Variants in PCDHA3 observed in about 807,000 individuals in gnomAD.
The protein encoded by PCDHA3 is protocadherin alpha-3.
A neutral mutation model predicts 62.2 loss-of-function variants in PCDHA3; 41 were observed. That is an observed-to-expected ratio of 0.66 (90% CI 0.51 to 0.86). The LOEUF is 0.86. Among genes scored for constraint, PCDHA3 ranks in the 40% least tolerant of loss-of-function variants. The probability of loss-of-function intolerance (pLI) is 0.00; values close to 1 mark genes in which losing one functional copy is unlikely to be tolerated. For missense variants in PCDHA3, 1,304 were observed against 1,241.2 expected (o/e 1.05, Z -0.76); for synonymous variants, 640 against 555.4 (o/e 1.15, Z -2.14).
intron 1 of PCDHA3, chr5:140,836,334 G>C (rs1554135822): frequency 1.1e-5 from 17 of 1,613,642 alleles, no homozygotes; most frequent in Non-Finnish European, 1.4e-5. Flanking sequence ...TCTGGTGCTT[G>C]TGAAGGACCA....
At chr5:140,875,761 G>C (rs373515339) in intron 1 of PCDHA3, 4 of 1,614,118 alleles carry the variant, frequency 2.5e-6, no homozygotes, top group East Asian at 4.5e-5. Context: ...GAAGCTGTGC[G>C]GGCGGAGCGC....
chr5:140,829,749 T>A, intron 1 of PCDHA3: 1 of 1,613,676 alleles, frequency 6.2e-7, no homozygotes, highest in Non-Finnish European at 8.5e-7. Flanking sequence ...ACGCTGCAGG[T>A]GTTCGTGCTG....
At chr5:140,865,982 C>T (rs2049081742) in intron 1 of PCDHA3, 1 of 152,078 alleles carries the variant, frequency 6.6e-6, no homozygotes, top group South Asian at 2.1e-4. Flanking sequence ...ATTGAGATGG[C>T]ACTAAGTTTT....
At chr5:140,913,379 C>T (rs1554195889) in intron 1 of PCDHA3, among the ~76,000 whole-genome samples, 1 of 152,134 alleles carries the variant, frequency 6.6e-6, no homozygotes, top group Non-Finnish European at 1.5e-5. Context: ...CATATAGTGG[C>T]TCATCATAGC....
intron 1 of PCDHA3, among the ~76,000 whole-genome samples, chr5:140,961,237 G>A (rs1170465013): frequency 1.3e-5 from 2 of 152,136 alleles, no homozygotes; most frequent in African/African-American, 4.8e-5. Context: ...AAAAGGTGAT[G>A]GAATTTATCC....
In PCDHA3 at chr5:140,823,028, C is replaced by T. The variant is rs2150121496; in HGVS notation, c.2394+19437C>T. On this transcript the variant is annotated intron_variant, in intron 1 of 3. Coordinates refer to ENST00000522353, the MANE Select transcript of PCDHA3 (RefSeq NM_018906.3). ...AGCGCCCTGGACCGCGAGAGCGTGT[C>T]GGTCTATGAGCTGGTGGTGACCGCG... 16 of 1,614,206 alleles carry T rather than the reference C, an allele frequency of 9.9e-6. No individual in the cohort carries two copies. Among genetic ancestry groups the T allele is most frequent in the South Asian group, 9.9e-5 (9 of 91,088 alleles).
chr5:140,830,355 G>A (rs373021109), intron 1 of PCDHA3: 2 of 1,614,120 alleles, frequency 1.2e-6, no homozygotes, highest in Admixed American at 1.7e-5. Flanking sequence ...CAGCAGAGGC[G>A]GCAGAGGGTG....
intron 1 of PCDHA3, chr5:140,810,805 T>C (rs1764732440): frequency 6.6e-6 from 1 of 152,136 alleles, no homozygotes; most frequent in Non-Finnish European, 1.5e-5. Flanking sequence ...TAGTTTTTAA[T>C]TCTTTTTTGT....
intron 1 of PCDHA3, chr5:140,968,901 T>A (rs1321022294): frequency 6.2e-7 from 1 of 1,614,106 alleles, no homozygotes; most frequent in Non-Finnish European, 8.5e-7. Flanking sequence ...ATAATAGCAT[T>A]AAGCACAGTG....
At chr5:140,941,202 C>CCTTCCTTTCTTT (rs1554213920) in intron 1 of PCDHA3, among the ~76,000 whole-genome samples, 197 of 122,808 alleles carry the variant, frequency 1.6e-3, no homozygotes, top group Admixed American at 2.9e-3. Flanking sequence ...TTTCTTTCTT[C>CCTTCCTTTCTTT]CTTTCTTTCT....
At chr5:140,999,494 C>G (rs2097859711) in intron 3 of PCDHA3, among the ~76,000 whole-genome samples, 1 of 152,064 alleles carries the variant, frequency 6.6e-6, no homozygotes, top group Non-Finnish European at 1.5e-5. Context: ...CTATGTTACC[C>G]AAGAACCTAC....
intron 1 of PCDHA3, among the ~76,000 whole-genome samples, chr5:140,937,574 G>C (rs1320452651): frequency 1.3e-5 from 2 of 151,732 alleles, no homozygotes; most frequent in African/African-American, 4.9e-5. Context: ...CTGGGATCGC[G>C]TCACTGCACT....
At chr5:140,836,224 T>A in intron 1 of PCDHA3, 1 of 1,613,758 alleles carries the variant, frequency 6.2e-7, no homozygotes, top group Non-Finnish European at 8.5e-7. Flanking sequence ...TTGCAACCGG[T>A]GGCGGCCGGT....
intron 1 of PCDHA3, chr5:140,869,122 A>G (rs1562622538): frequency 2.5e-6 from 4 of 1,607,706 alleles, no homozygotes; most frequent in Non-Finnish European, 3.4e-6. Flanking sequence ...TTTTCAGAGA[A>G]GGGGATTGGG....
intron 3 of PCDHA3, among the ~76,000 whole-genome samples, chr5:140,987,098 C>A (rs2153859479): frequency 6.6e-6 from 1 of 151,952 alleles, no homozygotes; most frequent in Admixed American, 6.6e-5. Flanking sequence ...CCTGTAATCC[C>A]AGCTACTCGG....
chr5:140,877,684 A>T, intron 1 of PCDHA3: 1 of 1,613,768 alleles, frequency 6.2e-7, no homozygotes, highest in Non-Finnish European at 8.5e-7. Context: ...GGGCAAGCCC[A>T]CGCTGGTGTG....
rs2150181468 is a variant in PCDHA3 at position 140,830,125 on chromosome 5, G to A, written c.2394+26534G>A. 1.5e-5 allele frequency: 24 copies of A among 1,613,450 alleles called. No individual in the cohort carries two copies. In the East Asian group the frequency reaches 4.9e-4, roughly 33 times the overall value. On this transcript the variant is annotated intron_variant, in intron 1 of 3. Coordinates refer to ENST00000522353, the MANE Select transcript of PCDHA3 (RefSeq NM_018906.3). ...TGGAGAGTGGCCAGGCTCCAAAGGC[G>A]TCATCACGGGCGTCGGTGGGCGCCG...
At chr5:141,003,328 G>C (rs941196932) in intron 3 of PCDHA3, among the ~76,000 whole-genome samples, 1 of 152,102 alleles carries the variant, frequency 6.6e-6, no homozygotes, top group Admixed American at 6.5e-5. Flanking sequence ...AGAGGGCAGG[G>C]TTTTTTGTTT....
At chr5:140,967,944 A>G (rs782135204) in intron 1 of PCDHA3, 4 of 1,613,970 alleles carry the variant, frequency 2.5e-6, no homozygotes. Flanking sequence ...AATGACCAAG[A>G]CTCAGGCCCC....
Sources: allele counts gnomAD v4.1 joint callset (sites outside exome capture counted in the v4.1 genomes callset), GRCh38; gene constraint gnomAD v4.1.1; transcripts MANE v1.5; gene names NCBI Gene and HGNC (gene_info 2026-07-23, HGNC 2026-07-21).